The following COXFA4 variants were observed in gnomAD, a reference collection of about 807,000 sequenced individuals.
COXFA4 encodes the protein cytochrome c oxidase associated subunit FA4, also known as cytochrome c oxidase subunit FA4.
chr7:10,934,763 T>G, the COXFA4 span, among the ~76,000 whole-genome samples: 3 of 152,220 alleles, frequency 2.0e-5, no homozygotes, highest in African/African-American at 7.2e-5. Flanking sequence ...TTGTAAAGCT[T>G]ATTACCAAGT....
chr7:10,937,917 A>G, the COXFA4 span: 2 of 611,128 alleles, frequency 3.3e-6, no homozygotes, highest in South Asian at 4.2e-5. Flanking sequence ...TACCTAGCAA[A>G]AAATATTTAT....
chr7:10,933,198 C>CA, the COXFA4 span: 4,146 of 166,002 alleles, frequency 0.025, 66 homozygotes, highest in Middle Eastern at 0.048. Flanking sequence ...AAGAGAAACT[C>CA]AAAGGTTTCC....
chr7:10,932,313 C>T, the COXFA4 span: 1 of 152,178 alleles, frequency 6.6e-6, no homozygotes, highest in Admixed American at 6.5e-5. Context: ...ATACCTGACA[C>T]ATAGGAGGTA....
the COXFA4 span, chr7:10,933,825 C>T: frequency 1.5e-6 from 1 of 670,750 alleles, no homozygotes; most frequent in Non-Finnish European, 2.5e-6. Flanking sequence ...TATTTAACAA[C>T]ATAAAATCAT....
the COXFA4 span, among the ~76,000 whole-genome samples, chr7:10,935,089 T>C: frequency 6.6e-6 from 1 of 152,230 alleles, no homozygotes; most frequent in Non-Finnish European, 1.5e-5. Context: ...TGATTCTTAA[T>C]TTATAAAAGA....
the COXFA4 span, among the ~76,000 whole-genome samples, chr7:10,936,846 G>C: frequency 6.6e-6 from 1 of 152,052 alleles, no homozygotes; most frequent in Non-Finnish European, 1.5e-5. Flanking sequence ...GACCAGCCTG[G>C]CCAACACGGC....
At chr7:10,938,286 A>C in the COXFA4 span, 1 of 740,166 alleles carries the variant, frequency 1.4e-6, no homozygotes, top group South Asian at 1.7e-5. Context: ...AAGTTGAAAC[A>C]GGTAGAGGAT....
the COXFA4 span, chr7:10,939,131 T>C: frequency 2.3e-6 from 1 of 429,008 alleles, no homozygotes; most frequent in South Asian, 2.5e-5. Context: ...TTAAGTGTCT[T>C]ACTTTTTAAT....
At chr7:10,932,431 C>G in the COXFA4 span, 1 of 152,210 alleles carries the variant, frequency 6.6e-6, no homozygotes, top group Non-Finnish European at 1.5e-5. Flanking sequence ...AGTAATTCAA[C>G]TCGTTTAACA....
At chr7:10,939,769 A>G in the COXFA4 span, 358,574 of 576,114 alleles carry the variant, frequency 0.62, 115,033 homozygotes, top group African/African-American at 0.89. Context: ...CACTAACTAG[A>G]AAAAACTAGG....
chr7:10,933,395 T>C, the COXFA4 span: 8 of 460,980 alleles, frequency 1.7e-5, no homozygotes, highest in South Asian at 2.6e-4. Context: ...TAAATTCTAA[T>C]AGTTAATTTC....
chr7:10,933,605 T>C, the COXFA4 span: 5 of 1,584,738 alleles, frequency 3.2e-6, no homozygotes, highest in African/African-American at 4.0e-5. Context: ...AGACCTTCAT[T>C]CTAAAGCAGC....
the COXFA4 span, chr7:10,933,740 A>T: frequency 1.5e-6 from 2 of 1,343,278 alleles, no homozygotes; most frequent in South Asian, 1.2e-5. Context: ...ATACACAGAG[A>T]CGGTACAAAG....
the COXFA4 span, chr7:10,939,671 G>C: frequency 2.6e-6 from 1 of 379,528 alleles, no homozygotes; most frequent in East Asian, 5.9e-5. Context: ...CCTGACCTAT[G>C]CTAGTCTCTG....
At chr7:10,935,276 CTCTAT>C in the COXFA4 span, among the ~76,000 whole-genome samples, 1 of 152,150 alleles carries the variant, frequency 6.6e-6, no homozygotes, top group Non-Finnish European at 1.5e-5. Context: ...ACTTCCCTAC[CTCTAT>C]TCTTTTTCTC....
the COXFA4 span, chr7:10,937,911 T>C: frequency 1.6e-6 from 1 of 606,836 alleles, no homozygotes; most frequent in Non-Finnish European, 3.0e-6. Flanking sequence ...ATTAAATACC[T>C]AGCAAAAAAT....
the COXFA4 span, among the ~76,000 whole-genome samples, chr7:10,934,789 GAC>G: frequency 2.6e-5 from 4 of 152,120 alleles, no homozygotes; most frequent in African/African-American, 9.7e-5. Context: ...TTGAGATACA[GAC>G]AGATACAGAC....
the COXFA4 span, chr7:10,933,541 AGAG>A: frequency 1.1e-6 from 1 of 896,318 alleles, no homozygotes; most frequent in Non-Finnish European, 1.8e-6. Flanking sequence ...TCATGCATTT[AGAG>A]GAGAAATATT....
chr7:10,938,857 C>G, the COXFA4 span: 1 of 1,613,696 alleles, frequency 6.2e-7, no homozygotes. Flanking sequence ...AGTGTTGCTC[C>G]AGTAGCTCCA....
Sources: allele counts gnomAD v4.1 joint callset (sites outside exome capture counted in the v4.1 genomes callset), GRCh38; gene constraint gnomAD v4.1.1; transcripts MANE v1.5; gene names NCBI Gene and HGNC (gene_info 2026-07-23, HGNC 2026-07-21).